Variants in CELF6 observed in about 807,000 individuals in gnomAD.
The protein encoded by CELF6 is Bruno -like 6, RNA binding protein.
CELF6 carries 32 observed loss-of-function variants against 53.1 expected under a neutral mutation model. The ratio of observed to expected loss-of-function variants is 0.60; its 90% CI spans 0.46 to 0.81. The LOEUF (loss-of-function observed/expected upper bound fraction) is 0.81. Among genes scored for constraint, CELF6 ranks in the 30% least tolerant of loss-of-function variants. The pLI is 0.00. For synonymous variants in CELF6, 291 were observed against 288.8 expected (o/e 1.01, Z -0.08); for missense variants, 539 against 669.5 (o/e 0.81, Z 2.15).
At position 72,288,436 on chromosome 15, in the gene CELF6, T is replaced by G; in HGVS notation, c.1190A>C (p.Asn397Thr). ...QQQREGPEGC[N>T]LFIYHLPQEF... ...CTGAGGCAGGTGATAGATGAAGAGG[T>G]TACAGCCTTCGGGGCCTGGAGGAAC... Residue 397 changes from asparagine to threonine, a missense_variant, in exon 11 of 13, where the codon AAC becomes ACC. Transcript: ENST00000287202. The surrounding 1 kb of genome is among the most constrained non-coding windows in gnomAD (Gnocchi z 4.6). 6.2e-7 allele frequency: 1 copy of G among 1,614,086 alleles called. No homozygotes were observed. Among genetic ancestry groups the G allele is most frequent in the Non-Finnish European group, 8.5e-7 (1 of 1,180,016 alleles).
chr15:72,308,488 A>G (rs2088258338), intron 2 of CELF6, among the ~76,000 whole-genome samples: 1 of 152,058 alleles, frequency 6.6e-6, no homozygotes, highest in African/African-American at 2.4e-5. Context: ...CGGCCTCCCA[A>G]AGTGCTGGGA....
At position 72,299,470 on chromosome 15, in the gene CELF6, C is replaced by T. The variant is rs565167197; in HGVS notation, c.394+5276G>A. On this transcript the variant is annotated intron_variant, in intron 3 of 12. Coordinates refer to ENST00000287202, the MANE Select transcript of CELF6 (RefSeq NM_052840.5). ...CGCCTCCTGGGTTCAAGTGATTCTC[C>T]TGCCTTAGCCTCCCAAGTAGCTGGG... is the stretch of plus-strand genomic sequence containing the variant. Among the ~76,000 whole-genome samples the T allele has an allele frequency of 2.0e-5, 3 of 151,320 alleles. No homozygotes were observed. The East Asian group carries it at 6.0e-4, about 30-fold the overall frequency.
intron 3 of CELF6, chr15:72,292,308 C>G: frequency 7.2e-7 from 1 of 1,398,106 alleles, no homozygotes; most frequent in South Asian, 1.3e-5. Flanking sequence ...CTCAACCAAT[C>G]TGATGGCTTT....
At chr15:72,300,449 C>T (rs559583597) in intron 3 of CELF6, among the ~76,000 whole-genome samples, 178 of 151,626 alleles carry the variant, frequency 1.2e-3, no homozygotes, top group Non-Finnish European at 2.4e-3. Context: ...GTTATTTCAA[C>T]CACAAACCTC....
intron 2 of CELF6, 44 bp downstream of exon 2, chr15:72,315,800 TC>T: frequency 7.3e-7 from 1 of 1,367,920 alleles, no homozygotes; most frequent in Non-Finnish European, 1.0e-6. Context: ...CAGGGCACTG[TC>T]CCCAGCCTGA....
Position 72,289,917 on chromosome 15 carries a change from A to T in CELF6, c.603+22T>A, listed in dbSNP as rs1201039804. 1.3e-6 allele frequency: 2 copies of T among 1,548,754 alleles called. No individual in the cohort carries two copies. The highest frequency in any genetic ancestry group is 2.4e-5 in the South Asian group (2 of 84,428). On this transcript the variant is annotated intron_variant, in intron 5 of 12. Transcript: ENST00000287202. This position sits in a 1 kb window ranked among gnomAD's most constrained non-coding sequence, Gnocchi z 7.6. ...TCCCCACCCCACTGGCCTCACCCTC[A>T]GCCCAGGGAACCCGCCCTCACCGCC...
Position 72,288,919 on chromosome 15 carries a change from C to A in CELF6, c.1042G>T (p.Gly348Cys). ...GLSPYPAQSP[G>C]VADPLQQAYA... ...GCCTGCTGCAGGGGGTCAGCCACGCCGGGGCTCTGGGCTGGGGAGAGAGGG... is the reference window on the plus strand; with the variant it reads ...GCCTGCTGCAGGGGGTCAGCCACGCAGGGGCTCTGGGCTGGGGAGAGAGGG... Residue 348 changes from glycine to cysteine, a missense_variant, in exon 9 of 13, where the codon GGC becomes TGC. This residue lies in a region of CELF6 where 358 missense variants were observed against 412.8 expected (regional missense o/e 0.87). Coordinates refer to ENST00000287202, the MANE Select transcript of CELF6 (RefSeq NM_052840.5). The surrounding 1 kb of genome is among the most constrained non-coding windows in gnomAD (Gnocchi z 4.6). 6.4e-7 allele frequency: 1 copy of A among 1,550,644 alleles called. No individual in the cohort carries two copies.
chr15:72,312,347 C>A (rs1009963933), intron 2 of CELF6, among the ~76,000 whole-genome samples: 3 of 152,182 alleles, frequency 2.0e-5, no homozygotes, highest in Non-Finnish European at 4.4e-5. Flanking sequence ...AAATTCTTGG[C>A]CAGGAGTGGT....
chr15:72,292,853 C>A (rs1456501495), intron 3 of CELF6, among the ~76,000 whole-genome samples: 1 of 152,150 alleles, frequency 6.6e-6, no homozygotes, highest in Non-Finnish European at 1.5e-5. Context: ...CATGGTAAAA[C>A]CCCATCTCTA....
intron 1 of CELF6, 48 bp from the exon 2 acceptor site, chr15:72,315,975 ATTC>A (rs781192103): frequency 4.6e-6 from 6 of 1,304,000 alleles, no homozygotes; most frequent in Middle Eastern, 3.7e-4. Context: ...ACCCCCAACT[ATTC>A]TTCTTCGAAA....
At chr15:72,304,252 A>G (rs2088195613) in intron 3 of CELF6, among the ~76,000 whole-genome samples, 1 of 152,136 alleles carries the variant, frequency 6.6e-6, no homozygotes, top group African/African-American at 2.4e-5. Flanking sequence ...TCCTCAGCAT[A>G]GAGGACTTAC....
At position 72,288,920 on chromosome 15, in the gene CELF6, G is replaced by A. The variant is rs1047976329; in HGVS notation, c.1041C>T (p.Pro347=). The A allele has an allele frequency of 7.1e-6, 11 of 1,550,574 alleles. No individual in the cohort carries two copies. Among genetic ancestry groups the A allele is most frequent in the South Asian group, 5.9e-5 (5 of 84,054 alleles). Reference sequence around the variant, plus strand: ...CCTGCTGCAGGGGGTCAGCCACGCCGGGGCTCTGGGCTGGGGAGAGAGGGG... The same window carrying A: ...CCTGCTGCAGGGGGTCAGCCACGCCAGGGCTCTGGGCTGGGGAGAGAGGGG... ...NGLSPYPAQS[P]GVADPLQQAY... Residue 347 remains proline (P), a synonymous_variant, in exon 9 of 13, where the codon CCC becomes CCT. Transcript: ENST00000287202. This position sits in a 1 kb window ranked among gnomAD's most constrained non-coding sequence, Gnocchi z 4.6.
At chr15:72,313,821 A>ACTC (rs2088330051) in intron 2 of CELF6, 1 of 779,590 alleles carries the variant, frequency 1.3e-6, no homozygotes, top group African/African-American at 1.9e-5. Flanking sequence ...TGCTGTTACT[A>ACTC]TTACTGTTAC....
chr15:72,315,011 T>C (rs748188396), intron 2 of CELF6, among the ~76,000 whole-genome samples: 2 of 152,154 alleles, frequency 1.3e-5, no homozygotes, highest in Non-Finnish European at 2.9e-5. Flanking sequence ...TCCAAATATA[T>C]CTTGTGTCTT....
intron 3 of CELF6, among the ~76,000 whole-genome samples, chr15:72,290,998 G>C (rs2087999256): frequency 6.6e-6 from 1 of 152,102 alleles, no homozygotes; most frequent in Admixed American, 6.5e-5. Flanking sequence ...CCACCACCCT[G>C]TCCCTTCAGC....
rs1332577175 is a variant in CELF6, at chr15:72,319,985, A to C, written c.-111T>G. 2 of 949,054 alleles carry C rather than the reference A, an allele frequency of 2.1e-6. No individual in the cohort carries two copies. The highest frequency in any genetic ancestry group is 2.6e-6 in the Non-Finnish European group (2 of 769,140). 58.8% of individuals were successfully genotyped at this position (949,054 alleles called of 1,614,324 possible). A position where few individuals can be genotyped will look rare whatever the true frequency, so the allele number is the denominator to read the frequency against. On this transcript the variant is annotated 5_prime_UTR_variant, in exon 1 of 13. Transcript: ENST00000287202. This position sits in a 1 kb window ranked among gnomAD's most constrained non-coding sequence, Gnocchi z 5.0. ...GGGAGGGGGCGGAGCCCGGGCGGAGAGGGCGGGGGGCTGCCCAGGGGGCGG... is the reference window on the plus strand; with the variant it reads ...GGGAGGGGGCGGAGCCCGGGCGGAGCGGGCGGGGGGCTGCCCAGGGGGCGG...
At chr15:72,303,864 T>C (rs1009036889) in intron 3 of CELF6, among the ~76,000 whole-genome samples, 1 of 152,182 alleles carries the variant, frequency 6.6e-6, no homozygotes, top group Non-Finnish European at 1.5e-5. Flanking sequence ...TTTTTGTTTT[T>C]GTTTTTGTTT....
Position 72,285,369 on chromosome 15 carries a change from A to G in CELF6, c.*1002T>C, listed in dbSNP as rs1396951721. The G allele has an allele frequency of 6.6e-6, 1 of 152,510 alleles. No homozygotes were observed. Among genetic ancestry groups the G allele is most frequent in the African/African-American group, 2.4e-5 (1 of 41,454 alleles). 9.4% of individuals were successfully genotyped at this position (152,510 alleles called of 1,614,324 possible). A position where few individuals can be genotyped will look rare whatever the true frequency, so the allele number is the denominator to read the frequency against. Reference sequence around the variant, plus strand: ...TCTGTTGTCACAGCCCTCTACAGATATCCTGAATCTACTTTACAGGTGGGC... The same window carrying G: ...TCTGTTGTCACAGCCCTCTACAGATGTCCTGAATCTACTTTACAGGTGGGC... On this transcript the variant is annotated 3_prime_UTR_variant, in exon 13 of 13. Transcript: ENST00000287202.
At position 72,288,778 on chromosome 15, in the gene CELF6, C is replaced by T; in HGVS notation, c.1093+90G>A. 1 of 1,407,052 alleles carries T rather than the reference C, an allele frequency of 7.1e-7. No individual in the cohort carries two copies. Among genetic ancestry groups the T allele is most frequent in the Admixed American group, 2.0e-5 (1 of 50,824 alleles). The allele number at this position is 1,407,052 out of a possible 1,614,324, so 87.2% of individuals were successfully genotyped here. Reference sequence around the variant, plus strand: ...TAGGAGGGGATGGGAGGATCAACTCCTTGGAACAGAGCCTAAATCCCCCAC... The same window carrying T: ...TAGGAGGGGATGGGAGGATCAACTCTTTGGAACAGAGCCTAAATCCCCCAC... On this transcript the variant is annotated intron_variant, in intron 9 of 12. Coordinates refer to ENST00000287202, the MANE Select transcript of CELF6 (RefSeq NM_052840.5). This position sits in a 1 kb window ranked among gnomAD's most constrained non-coding sequence, Gnocchi z 4.6.
Sources: gnomAD v4.1 joint callset for allele counts (sites outside exome capture counted in the v4.1 genomes callset) on GRCh38, gnomAD v4.1.1 for gene constraint, gnomAD v4.1.1 regional missense constraint, Gnocchi (gnomAD v3.1) non-coding constraint, MANE v1.5 for transcripts, NCBI Gene and HGNC (gene_info 2026-07-23, HGNC 2026-07-21) for gene names.